The following UBN2 variants were observed in gnomAD, a reference collection of about 807,000 sequenced individuals.
UBN2 encodes the protein ubinuclein 2.
UBN2 carries 35 observed loss-of-function variants against 120.2 expected under a neutral mutation model. The observed-to-expected ratio is 0.29, with a 90% confidence interval of 0.22 to 0.39. The LOEUF is 0.39. Ranked by LOEUF, UBN2 falls within the 10% of genes least tolerant of loss-of-function variation. UBN2 has a pLI of 1.00. For synonymous variants in UBN2, 661 were observed against 648.7 expected (o/e 1.02, Z -0.29); for missense variants, 1,693 against 1,663.2 (o/e 1.02, Z -0.31).
At position 139,305,158 on chromosome 7, in the gene UBN2, G is replaced by A. The variant is rs991201762; in HGVS notation, c.*7322G>A. ...TGTTCAGGTTTATAGAGCTGAATGG[G>A]TGATCAAACTCTAATTAAAAATAGC... On this transcript the variant is annotated 3_prime_UTR_variant, in exon 18 of 18. Transcript: ENST00000473989. 6.6e-6 allele frequency: 1 copy of A among 152,180 alleles called. No individual in the cohort carries two copies. Among genetic ancestry groups the A allele is most frequent in the Non-Finnish European group, 1.5e-5 (1 of 68,026 alleles). The allele number at this position is 152,180 out of a possible 1,614,324, so 9.4% of individuals were successfully genotyped here.
rs577605885 is a variant in UBN2 at position 139,283,013 on chromosome 7, C to CT, written c.2119-8dup. The CT allele has an allele frequency of 1.4e-4, 206 of 1,509,488 alleles. No individual in the cohort carries two copies. In the African/African-American group the frequency reaches 2.6e-3, roughly 19 times the overall value. The allele number at this position is 1,509,488 out of a possible 1,614,324, so 93.5% of individuals were successfully genotyped here. ...CATTTCTATTTTTTTCCATATGATGCTTTACATTAGGAGTGTAGTCCAAAA... is the reference window on the plus strand; with the variant it reads ...CATTTCTATTTTTTTCCATATGATGCTTTTACATTAGGAGTGTAGTCCAAAA... On this transcript the variant is annotated splice_polypyrimidine_tract_variant and intron_variant, in intron 14 of 17. Transcript: ENST00000473989.
intron 6 of UBN2, among the ~76,000 whole-genome samples, chr7:139,266,119 A>G (rs950563769): frequency 6.7e-6 from 1 of 149,514 alleles, no homozygotes; most frequent in Non-Finnish European, 1.5e-5. Flanking sequence ...AGCAGGGCAC[A>G]GTGGTACATA....
chr7:139,261,533 C>G lies in UBN2; in HGVS notation c.1187C>G (p.Ala396Gly). Residue 396 changes from alanine (A) to glycine (G), a missense_variant, in exon 6 of 18, where the codon GCT becomes GGT. Physicochemically the swap from Ala to Gly is moderately conservative, Grantham distance 60. Around this residue, in one of 5 missense-constraint regions of UBN2, gnomAD observed 663 missense variants for 591.2 expected, o/e 1.12. Coordinates refer to ENST00000473989, the MANE Select transcript of UBN2 (RefSeq NM_173569.4). ...AATGAACATGAGCTGTTTCAGGAAG[C>G]TGAAAATGCCCTAGAGATGCTAGAT... ...STNEHELFQEAENALEMLDDF... is the reference protein window; with the variant it reads ...STNEHELFQEGENALEMLDDF... 1 of 1,614,212 alleles carries G rather than the reference C, an allele frequency of 6.2e-7. No individual in the cohort carries two copies. Among genetic ancestry groups the G allele is most frequent in the Non-Finnish European group, 8.5e-7 (1 of 1,180,040 alleles).
At chr7:139,310,774 A>AAAAT (rs755882852), downstream of UBN2, among the ~76,000 whole-genome samples, 6 of 152,312 alleles carry the variant, frequency 3.9e-5, no homozygotes, top group African/African-American at 9.6e-5. Context: ...CGCCGTCTCA[A>AAAAT]AAATAAATAA....
intron 13 of UBN2, 110 bp from the exon 14 acceptor site, chr7:139,281,895 A>G (rs1234889473): frequency 4.2e-6 from 4 of 946,106 alleles, no homozygotes; most frequent in East Asian, 2.5e-5. Flanking sequence ...TGTACTTCCA[A>G]TTGGTAGTGA....
intron 15 of UBN2, among the ~76,000 whole-genome samples, chr7:139,290,915 TAAG>T (rs553322149): frequency 2.9e-4 from 44 of 152,288 alleles, no homozygotes; most frequent in South Asian, 1.4e-3. Context: ...TACATTAACT[TAAG>T]AAGTACCCCA....
intron 8 of UBN2, among the ~76,000 whole-genome samples, chr7:139,271,879 G>C (rs765652639): frequency 6.6e-6 from 1 of 152,128 alleles, no homozygotes; most frequent in African/African-American, 2.4e-5. Flanking sequence ...GGATACCAAC[G>C]TCCGGTTGGT....
Position 139,244,841 on chromosome 7 carries a change from C to T in UBN2, c.562-7115C>T, listed in dbSNP as rs150039819. Among the ~76,000 whole-genome samples the T allele has an allele frequency of 3.2e-4, 49 of 152,166 alleles. No individual in the cohort carries two copies. The East Asian group carries it at 8.7e-3, about 27-fold the overall frequency. ...TCAAATGCTTAGTGAACATTGATAGCACCTTTTCGTGAATAGCCTGAGCTG... is the reference window on the plus strand; with the variant it reads ...TCAAATGCTTAGTGAACATTGATAGTACCTTTTCGTGAATAGCCTGAGCTG... On this transcript the variant is annotated intron_variant, in intron 2 of 17. Transcript: ENST00000473989.
At chr7:139,319,362 C>T in the UBN2 span, among the ~76,000 whole-genome samples, 2 of 152,236 alleles carry the variant, frequency 1.3e-5, no homozygotes, top group South Asian at 2.1e-4. Context: ...GGATTACAGG[C>T]ATGAGCCACC....
the UBN2 span, among the ~76,000 whole-genome samples, chr7:139,321,796 C>T: frequency 2.6e-5 from 4 of 152,170 alleles, no homozygotes; most frequent in Non-Finnish European, 5.9e-5. Flanking sequence ...CCTTCCCCTG[C>T]TTCCCCAGGA....
Position 139,274,104 on chromosome 7 carries a change from T to A in UBN2, c.1973+30T>A, listed in dbSNP as rs749279287. ...GAAATGTGACTTACTGGATTTTATT[T>A]TATTTTATTATTATTGCTGTTATTA... On this transcript the variant is annotated intron_variant, in intron 11 of 17. Coordinates refer to ENST00000473989, the MANE Select transcript of UBN2 (RefSeq NM_173569.4). 9.0e-6 allele frequency: 14 copies of A among 1,553,008 alleles called. No homozygotes were observed. The African/African-American group carries it at 1.4e-4, about 16-fold the overall frequency.
the UBN2 span, among the ~76,000 whole-genome samples, chr7:139,319,882 C>A: frequency 1.2e-4 from 18 of 152,110 alleles, no homozygotes; most frequent in South Asian, 3.7e-3. Context: ...GGCGACCATC[C>A]TGGCTAACAT....
At chr7:139,232,037 C>A in intron 1 of UBN2, 85 bp downstream of exon 1, 1 of 1,377,794 alleles carries the variant, frequency 7.3e-7, no homozygotes. Flanking sequence ...CCTTGGGACG[C>A]CCACCGAGCG....
Position 139,304,268 on chromosome 7 carries a change from G to A in UBN2, c.*6432G>A, listed in dbSNP as rs1443806890. On this transcript the variant is annotated 3_prime_UTR_variant, in exon 18 of 18. Transcript: ENST00000473989. Reference sequence around the variant, plus strand: ...AAGAGGTGGAGCCATCAGCTGCTCAGGTTGTAAGAAAATGGGAGACGGAAG... The same window carrying A: ...AAGAGGTGGAGCCATCAGCTGCTCAAGTTGTAAGAAAATGGGAGACGGAAG... 6.6e-6 allele frequency: 1 copy of A among 152,104 alleles called. No homozygotes were observed. The highest frequency in any genetic ancestry group is 1.5e-5 in the Non-Finnish European group (1 of 68,052). 9.4% of individuals were successfully genotyped at this position (152,104 alleles called of 1,614,324 possible).
intron 1 of UBN2, among the ~76,000 whole-genome samples, chr7:139,236,254 C>T (rs1469822289): frequency 6.6e-6 from 1 of 152,066 alleles, no homozygotes; most frequent in Non-Finnish European, 1.5e-5. Flanking sequence ...TTCACTCTCC[C>T]CTACTAGAAG....
intron 1 of UBN2, among the ~76,000 whole-genome samples, chr7:139,234,676 A>C (rs1343806537): frequency 1.3e-5 from 2 of 152,220 alleles, no homozygotes; most frequent in Non-Finnish European, 2.9e-5. Flanking sequence ...TGATTGATAC[A>C]CAAGAAAAGG....
chr7:139,257,283 A>G (rs1015262954), intron 3 of UBN2, among the ~76,000 whole-genome samples: 1 of 152,250 alleles, frequency 6.6e-6, no homozygotes, highest in Non-Finnish European at 1.5e-5. Context: ...TGCTCCAAGC[A>G]AAGTACCTCC....
chr7:139,265,456 C>T lies in UBN2; in HGVS notation c.1396-877C>T, dbSNP rs191353481. On this transcript the variant is annotated intron_variant, in intron 6 of 17. Coordinates refer to ENST00000473989, the MANE Select transcript of UBN2 (RefSeq NM_173569.4). ...TCGCGCCACTGCACTCCAGCCTGGG[C>T]GACAGAGTAAGACTCCGTCTCAAAA... Among the ~76,000 whole-genome samples, 64 of 151,976 alleles carry T rather than the reference C, an allele frequency of 4.2e-4. 1 individual carries two copies. In the East Asian group the frequency reaches 0.011, roughly 26 times the overall value.
chr7:139,260,187 C>A (rs553503847), intron 5 of UBN2, among the ~76,000 whole-genome samples: 1 of 152,100 alleles, frequency 6.6e-6, no homozygotes, highest in Non-Finnish European at 1.5e-5. Flanking sequence ...CAGCCTCAAC[C>A]TCCTGGGATC....
Sources: gnomAD v4.1 joint callset for allele counts (sites outside exome capture counted in the v4.1 genomes callset) on GRCh38, gnomAD v4.1.1 for gene constraint, gnomAD v4.1.1 regional missense constraint, MANE v1.5 for transcripts, NCBI Gene and HGNC (gene_info 2026-07-23, HGNC 2026-07-21) for gene names.